Variants in LMO2 observed in about 807,000 individuals in gnomAD.
The protein encoded by LMO2 is LIM domain only 2.
In LMO2, 20 loss-of-function variants were observed where a neutral mutation model predicts 23.2. That is an observed-to-expected ratio of 0.86 (90% CI 0.61 to 1.25). The LOEUF is 1.25. Among genes scored for constraint, LMO2 ranks in the 50% most tolerant of loss-of-function variants. The pLI is 0.00. For missense variants in LMO2, 270 were observed against 315.3 expected (o/e 0.86, Z 1.09); for synonymous variants, 123 against 130.2 (o/e 0.94, Z 0.38).
rs1856913791 is a variant in LMO2 at position 33,869,326 on chromosome 11, G to A, written c.248+20C>T. ...GGCCGTGGACACCGGGGGTGGCAGG[G>A]GCAGGGGGGCCGCACTTACTCTGAA... On this transcript the variant is annotated intron_variant, in intron 4 of 5. Transcript: ENST00000257818. 1.1e-5 allele frequency: 13 copies of A among 1,181,426 alleles called. 1 individual carries two copies. The highest frequency in any genetic ancestry group is 3.8e-5 in the East Asian group (1 of 26,388). 73.2% of individuals were successfully genotyped at this position (1,181,426 alleles called of 1,614,324 possible). A position where few individuals can be genotyped will look rare whatever the true frequency, so the allele number is the denominator to read the frequency against.
At chr11:33,871,499 T>C (rs985910248) in intron 2 of LMO2, among the ~76,000 whole-genome samples, 2 of 144,854 alleles carry the variant, frequency 1.4e-5, no homozygotes, top group Non-Finnish European at 3.0e-5. Flanking sequence ...GCCCAGGAGG[T>C]TGAGGCTGCA....
chr11:33,863,920 A>C (rs1856676343), intron 5 of LMO2, among the ~76,000 whole-genome samples: 1 of 152,200 alleles, frequency 6.6e-6, no homozygotes, highest in Non-Finnish European at 1.5e-5. Flanking sequence ...AATCCTCCCC[A>C]CATCCTTAGA....
rs542525894 is a variant in LMO2 at position 33,885,042 on chromosome 11, G to T, written c.-335-3155C>A. On this transcript the variant is annotated intron_variant, in intron 1 of 5. Transcript: ENST00000257818. Reference sequence around the variant, plus strand: ...GTCATGCTTATACCCAGGACAATGGGTAGGAAGACTGCCCATCACCTCTGA... The same window carrying T: ...GTCATGCTTATACCCAGGACAATGGTTAGGAAGACTGCCCATCACCTCTGA... Among the ~76,000 whole-genome samples the T allele has an allele frequency of 2.6e-5, 4 of 152,330 alleles. No homozygotes were observed. The East Asian group carries it at 7.7e-4, about 29-fold the overall frequency.
chr11:33,889,215 C>A (rs558634888), intron 1 of LMO2, among the ~76,000 whole-genome samples: 1 of 152,320 alleles, frequency 6.6e-6, no homozygotes, highest in South Asian at 2.1e-4. Context: ...GTACCAGGCA[C>A]TGTACTGGGC....
chr11:33,889,916 A>G (rs1857502996), intron 1 of LMO2, among the ~76,000 whole-genome samples: 1 of 152,330 alleles, frequency 6.6e-6, no homozygotes, highest in South Asian at 2.1e-4. Context: ...GGATGATTGG[A>G]TTTAAAACTG....
At chr11:33,862,757 T>C (rs1326969108) in intron 5 of LMO2, among the ~76,000 whole-genome samples, 2 of 152,192 alleles carry the variant, frequency 1.3e-5, no homozygotes, top group Admixed American at 1.3e-4. Flanking sequence ...TTTTCTCCTC[T>C]GTCAAGAGAT....
intron 1 of LMO2, among the ~76,000 whole-genome samples, chr11:33,884,751 CT>C (rs1419502864): frequency 6.6e-6 from 1 of 152,172 alleles, no homozygotes; most frequent in Non-Finnish European, 1.5e-5. Context: ...ATTACTTTGC[CT>C]TGCAATATTT....
chr11:33,870,068 T>TC (rs1856968400), intron 2 of LMO2, 81 bp from the exon 3 acceptor site: 1 of 445,934 alleles, frequency 2.2e-6, no homozygotes, highest in Non-Finnish European at 2.9e-6. Flanking sequence ...CCTTTTTTCT[T>TC]CCTTTTTTTT....
At chr11:33,866,480 T>C (rs932628853) in intron 4 of LMO2, among the ~76,000 whole-genome samples, 18 of 151,964 alleles carry the variant, frequency 1.2e-4, no homozygotes, top group Admixed American at 3.3e-4. Context: ...ACAAAACATA[T>C]AAAAAATTGC....
At chr11:33,868,210 A>C (rs2133696021) in intron 4 of LMO2, among the ~76,000 whole-genome samples, 1 of 152,318 alleles carries the variant, frequency 6.6e-6, no homozygotes. Flanking sequence ...ACTGAGGGTA[A>C]AACCCAGGTA....
Position 33,880,278 on chromosome 11 carries a change from TATATATC to T in LMO2, c.-272+1539_-272+1545del, listed in dbSNP as rs1352821481. The stretch of plus-strand genomic sequence containing the variant: ...ATATATATATCATACATACACATGA[TATATATC>T]ATATATATCATATATATACATATCA... On this transcript the variant is annotated intron_variant, in intron 2 of 5. Coordinates refer to ENST00000257818, the MANE Select transcript of LMO2 (RefSeq NM_005574.4). This position sits in a 1 kb window ranked among gnomAD's most constrained non-coding sequence, Gnocchi z 4.3. Among the ~76,000 whole-genome samples, 355 of 129,512 alleles carry T rather than the reference TATATATC, an allele frequency of 2.7e-3. No individual in the cohort carries two copies. The highest frequency in any genetic ancestry group is 9.9e-3 in the African/African-American group (276 of 27,800). The allele number at this position is 129,512 out of a possible 152,430, so 85.0% of individuals were successfully genotyped here.
intron 1 of LMO2, among the ~76,000 whole-genome samples, chr11:33,886,967 A>C (rs1452973711): frequency 1.3e-5 from 2 of 152,234 alleles, no homozygotes; most frequent in Non-Finnish European, 2.9e-5. Context: ...AGCAGGTCCC[A>C]CTTATTATTT....
At position 33,867,628 on chromosome 11, in the gene LMO2, A is replaced by G. The variant is rs189894302; in HGVS notation, c.248+1718T>C. On this transcript the variant is annotated intron_variant, in intron 4 of 5. Coordinates refer to ENST00000257818, the MANE Select transcript of LMO2 (RefSeq NM_005574.4). ...GAGAATGTGCTGCAGCAATTTCTCA[A>G]CTGGCTTGTCCCTCTTTGATCAGAA... Among the ~76,000 whole-genome samples the G allele has an allele frequency of 1.6e-3, 244 of 152,332 alleles. 1 individual carries two copies. The highest frequency in any genetic ancestry group is 6.8e-3 in the Middle Eastern group (2 of 294).
At chr11:33,875,384 C>G (rs1284278575) in intron 2 of LMO2, among the ~76,000 whole-genome samples, 1 of 151,984 alleles carries the variant, frequency 6.6e-6, no homozygotes, top group African/African-American at 2.4e-5. Context: ...TCGAGACCAG[C>G]CTGGCCAACG....
intron 1 of LMO2, among the ~76,000 whole-genome samples, chr11:33,886,823 C>T (rs909981600): frequency 6.6e-6 from 1 of 152,178 alleles, no homozygotes; most frequent in African/African-American, 2.4e-5. Context: ...ATATTCTATC[C>T]CCTGTGGAAC....
rs1372497174 is a variant in LMO2, at chr11:33,864,101, G to A, written c.464+501C>T. 6.6e-6 allele frequency among the ~76,000 whole-genome samples: 1 copy of A among 152,194 alleles called. No homozygotes were observed. Among genetic ancestry groups the A allele is most frequent in the East Asian group, 1.9e-4 (1 of 5,194 alleles). ...TCTTCGAAGACTGCCTTCCTGCTAT[G>A]AGTCAATGCTTGGAGCTCCATATGC... is the stretch of plus-strand genomic sequence containing the variant. On this transcript the variant is annotated intron_variant, in intron 5 of 5. Transcript: ENST00000257818. This position sits in a 1 kb window ranked among gnomAD's most constrained non-coding sequence, Gnocchi z 4.8.
intron 2 of LMO2, among the ~76,000 whole-genome samples, chr11:33,875,598 G>A (rs1276205014): frequency 5.3e-5 from 5 of 94,044 alleles, no homozygotes; most frequent in South Asian, 3.7e-4. Context: ...AAAAAAAAAA[G>A]TTTGAGCACC....
chr11:33,884,432 T>G (rs1465928972), intron 1 of LMO2, among the ~76,000 whole-genome samples: 1 of 152,072 alleles, frequency 6.6e-6, no homozygotes, highest in Non-Finnish European at 1.5e-5. Flanking sequence ...GCCCTGATGG[T>G]TTCTGCCCCA....
chr11:33,887,512 C>G (rs928759381), intron 1 of LMO2, among the ~76,000 whole-genome samples: 1 of 150,618 alleles, frequency 6.6e-6, no homozygotes, highest in African/African-American at 2.4e-5. Flanking sequence ...TTGTGGAAGG[C>G]CTTAGCTGCA....
Sources: allele counts gnomAD v4.1 joint callset (sites outside exome capture counted in the v4.1 genomes callset), GRCh38; gene constraint gnomAD v4.1.1; non-coding constraint Gnocchi (gnomAD v3.1); transcripts MANE v1.5; gene names NCBI Gene and HGNC (gene_info 2026-07-23, HGNC 2026-07-21).